The following RXFP2 variants were observed in gnomAD, a reference collection of about 807,000 sequenced individuals.
The protein encoded by RXFP2 is relaxin family peptide receptor 2.
Under a neutral mutation model 88.6 loss-of-function variants are expected in RXFP2, and 68 were observed. The ratio of observed to expected loss-of-function variants is 0.77; its 90% CI spans 0.63 to 0.94. RXFP2 has a LOEUF of 0.94. Ranked by LOEUF, RXFP2 falls within the 40% of genes least tolerant of loss-of-function variation. RXFP2 has a pLI of 0.00. For missense variants in RXFP2, 791 were observed against 893.9 expected (o/e 0.88, Z 1.47); for synonymous variants, 329 against 306.8 (o/e 1.07, Z -0.76).
chr13:31,776,143 TC>T (rs1410450336), intron 7 of RXFP2, among the ~76,000 whole-genome samples: 2 of 103,774 alleles, frequency 1.9e-5, no homozygotes, highest in African/African-American at 3.6e-5. Flanking sequence ...TCTTTCTTTC[TC>T]TTTCTCTCTC....
chr13:31,772,655 A>G lies in RXFP2; in HGVS notation c.498-1965A>G, dbSNP rs115221596. On this transcript the variant is annotated intron_variant, in intron 5 of 17. Coordinates refer to ENST00000298386, the MANE Select transcript of RXFP2 (RefSeq NM_130806.5). ...AAGTTCAGCAGCCTAAGTCTGAGAC[A>G]TGGAACGTAGGAGGGACTACAGTTC... 4.7e-3 allele frequency among the ~76,000 whole-genome samples: 714 copies of G among 152,360 alleles called. 5 individuals are homozygous for G. Among genetic ancestry groups the G allele is most frequent in the African/African-American group, 0.017 (696 of 41,594 alleles).
chr13:31,758,305 G>A lies in RXFP2; in HGVS notation c.142G>A (p.Gly48Arg). Residue 48 changes from glycine (G) to arginine (R), a missense_variant, in exon 2 of 18, where the codon GGA (glycine) becomes AGA (arginine). Transcript: ENST00000298386. ...CATGATCACTCCTTCATGCCAAAAAGGATATTTTCCCTGTGGGAATCTTAC... is the reference window on the plus strand; with the variant it reads ...CATGATCACTCCTTCATGCCAAAAAAGATATTTTCCCTGTGGGAATCTTAC... ...GSMITPSCQK[G>R]YFPCGNLTKC... The A allele has an allele frequency of 6.2e-7, 1 of 1,614,110 alleles. No homozygotes were observed. The highest frequency in any genetic ancestry group is 8.5e-7 in the Non-Finnish European group (1 of 1,179,994).
chr13:31,765,924 C>T, intron 4 of RXFP2, 32 bp from the exon 5 acceptor site: 2 of 1,086,524 alleles, frequency 1.8e-6, no homozygotes, highest in Non-Finnish European at 2.8e-6. Flanking sequence ...CATAACAATC[C>T]ATAATGAAGT....
In RXFP2 at chr13:31,802,474, T is replaced by G; in HGVS notation, c.*69T>G. ...AGGGGACAGCTTTTGGAAGATGACA[T>G]CTGCAATGCTTTTCATCTTTACCAA... On this transcript the variant is annotated 3_prime_UTR_variant, in exon 18 of 18. Transcript: ENST00000298386. 6.7e-7 allele frequency: 1 copy of G among 1,501,094 alleles called. No homozygotes were observed. Among genetic ancestry groups the G allele is most frequent in the Admixed American group, 1.7e-5 (1 of 59,866 alleles). 93.0% of individuals were successfully genotyped at this position (1,501,094 alleles called of 1,614,324 possible).
At chr13:31,801,468 C>T (rs1436248285) in intron 17 of RXFP2, among the ~76,000 whole-genome samples, 1 of 151,872 alleles carries the variant, frequency 6.6e-6, no homozygotes, top group Non-Finnish European at 1.5e-5. Flanking sequence ...GATCAGGCCA[C>T]GTGTAAAGGG....
intron 11 of RXFP2, among the ~76,000 whole-genome samples, chr13:31,783,228 G>A (rs546751397): frequency 1.3e-3 from 202 of 152,318 alleles, no homozygotes; most frequent in Non-Finnish European, 2.2e-3. Flanking sequence ...ATGAGGGTTA[G>A]GCTCACGGAA....
Position 31,758,384 on chromosome 13 carries a change from G to A in RXFP2, c.221G>A (p.Gly74Glu). 6.2e-7 allele frequency: 1 copy of A among 1,614,078 alleles called. No homozygotes were observed. Among genetic ancestry groups the A allele is most frequent in the Non-Finnish European group, 8.5e-7 (1 of 1,179,996 alleles). Residue 74 changes from glycine (G) to glutamate (E), a missense_variant, in exon 2 of 18, where the codon GGG becomes GAG. Transcript: ENST00000298386. ...HCDGKDDCGN[G>E]ADEENCGDTS... ...GATGGCAAGGATGACTGTGGGAACG[G>A]GGCGGACGAAGAGAACTGTGGTGAG...
intron 17 of RXFP2, among the ~76,000 whole-genome samples, chr13:31,801,458 G>A (rs1874338654): frequency 6.6e-6 from 1 of 152,010 alleles, no homozygotes; most frequent in South Asian, 2.1e-4. Flanking sequence ...CCGGCCACAG[G>A]ATCAGGCCAC....
At chr13:31,792,412 C>T (rs1873839852) in intron 15 of RXFP2, among the ~76,000 whole-genome samples, 1 of 152,146 alleles carries the variant, frequency 6.6e-6, no homozygotes, top group South Asian at 2.1e-4. Context: ...AACTGTTTAA[C>T]AACTAGTCCT....
chr13:31,776,176 CTCTTTCTCTCTT>C lies in RXFP2; in HGVS notation c.641+795_641+806del, dbSNP rs1235256178. 3.5e-5 allele frequency among the ~76,000 whole-genome samples: 5 copies of C among 141,278 alleles called. No homozygotes were observed. The East Asian group carries it at 1.0e-3, about 29-fold the overall frequency. The allele number at this position is 141,278 out of a possible 152,430, so 92.7% of individuals were successfully genotyped here. A position where few individuals can be genotyped will look rare whatever the true frequency, so the allele number is the denominator to read the frequency against. The stretch of plus-strand genomic sequence containing the variant: ...TCTCTCTCTCTTTCTTCCTTCCTTT[CTCTTTCTCTCTT>C]TCTTTCTTTTTTCTTTCTTTCTTGT... On this transcript the variant is annotated intron_variant, in intron 7 of 17. Transcript: ENST00000298386.
chr13:31,755,158 T>G (rs1871880871), intron 1 of RXFP2, among the ~76,000 whole-genome samples: 1 of 152,116 alleles, frequency 6.6e-6, no homozygotes, highest in Non-Finnish European at 1.5e-5. Context: ...AGCTAGTGAG[T>G]GGCAGAGAGA....
chr13:31,761,658 G>A, intron 2 of RXFP2, 66 bp from the exon 3 acceptor site: 2 of 1,048,016 alleles, frequency 1.9e-6, no homozygotes, highest in East Asian at 4.8e-5. Flanking sequence ...TTACCAAATT[G>A]TTAAATTTTG....
chr13:31,758,038 G>A (rs1566217422), intron 1 of RXFP2, among the ~76,000 whole-genome samples: 1 of 152,150 alleles, frequency 6.6e-6, no homozygotes, highest in Non-Finnish European at 1.5e-5. Flanking sequence ...GTCACAGTGA[G>A]CTGAGATCGT....
At chr13:31,798,933 T>C (rs545102194) in intron 17 of RXFP2, among the ~76,000 whole-genome samples, 4 of 152,284 alleles carry the variant, frequency 2.6e-5, no homozygotes, top group South Asian at 2.1e-4. Flanking sequence ...TTTCATGCAA[T>C]CCAGTTGCTT....
chr13:31,746,360 T>C (rs937664587), intron 1 of RXFP2, among the ~76,000 whole-genome samples: 2 of 152,244 alleles, frequency 1.3e-5, no homozygotes, highest in African/African-American at 4.8e-5. Flanking sequence ...TAATTCTACT[T>C]GAAACGGTGT....
At chr13:31,794,683 G>A (rs1873946861) in intron 16 of RXFP2, among the ~76,000 whole-genome samples, 1 of 152,112 alleles carries the variant, frequency 6.6e-6, no homozygotes, top group Non-Finnish European at 1.5e-5. Flanking sequence ...AAAGGATGAG[G>A]AGGTATTAGC....
chr13:31,743,751 C>T (rs1347403088), intron 1 of RXFP2, among the ~76,000 whole-genome samples: 2 of 151,958 alleles, frequency 1.3e-5, no homozygotes, highest in Non-Finnish European at 2.9e-5. Context: ...CGCCCTCCTA[C>T]CCCCATCCCT....
At chr13:31,756,941 T>C (rs1482149379) in intron 1 of RXFP2, among the ~76,000 whole-genome samples, 1 of 152,090 alleles carries the variant, frequency 6.6e-6, no homozygotes, top group African/African-American at 2.4e-5. Context: ...AAAAAAAACA[T>C]GACTTCTGTA....
intron 2 of RXFP2, 138 bp from the exon 3 acceptor site, chr13:31,761,586 T>C: frequency 1.6e-6 from 1 of 642,500 alleles, no homozygotes; most frequent in South Asian, 1.6e-5. Context: ...ACTTTTTCTC[T>C]CTTACTATGT....
Sources: gnomAD v4.1 joint callset for allele counts (sites outside exome capture counted in the v4.1 genomes callset) on GRCh38, gnomAD v4.1.1 for gene constraint, MANE v1.5 for transcripts, NCBI Gene and HGNC (gene_info 2026-07-23, HGNC 2026-07-21) for gene names.